Variants in NCKAP5 observed in about 807,000 individuals in gnomAD.
NCKAP5 encodes nck-associated protein 5.
NCKAP5 carries 92 observed loss-of-function variants against 167.0 expected under a neutral mutation model. That is an observed-to-expected ratio of 0.55 (90% CI 0.47 to 0.66). The LOEUF (loss-of-function observed/expected upper bound fraction) is 0.66, where lower values mean the gene tolerates loss of function less well. Ranked by LOEUF, NCKAP5 falls within the 30% of genes least tolerant of loss-of-function variation. The pLI is 0.00. For missense variants in NCKAP5, 2,378 were observed against 2,315.0 expected (o/e 1.03, Z -0.56); for synonymous variants, 891 against 877.4 (o/e 1.02, Z -0.27).
intron 8 of NCKAP5, among the ~76,000 whole-genome samples, chr2:132,920,767 GTATGTATATATATATATATATA>G (rs1179384370): frequency 0.25 from 7,876 of 31,212 alleles, 1,300 homozygotes; most frequent in Admixed American, 0.53. Context: ...GTATATATAT[GTATGTATATATATATATATATA>G]TATATATATA....
chr2:133,000,875 CA>C (rs909280139), intron 6 of NCKAP5, among the ~76,000 whole-genome samples: 1 of 152,078 alleles, frequency 6.6e-6, no homozygotes, highest in African/African-American at 2.4e-5. Context: ...AAGCCACACA[CA>C]AAAGACAAAA....
At chr2:133,391,633 C>T (rs1243192850) in intron 3 of NCKAP5, among the ~76,000 whole-genome samples, 7 of 152,244 alleles carry the variant, frequency 4.6e-5, no homozygotes, top group East Asian at 3.9e-4. Context: ...CCCTCTTCCC[C>T]GCACTCATCC....
intron 6 of NCKAP5, among the ~76,000 whole-genome samples, chr2:133,084,581 A>T (rs548927713): frequency 1.3e-5 from 2 of 152,268 alleles, no homozygotes; most frequent in Non-Finnish European, 2.9e-5. Context: ...CAGGCTCTGA[A>T]TCTCATTCTT....
chr2:133,560,096 G>C (rs1230671513), intron 1 of NCKAP5, among the ~76,000 whole-genome samples: 3 of 152,200 alleles, frequency 2.0e-5, no homozygotes. Context: ...CTTATTGAAA[G>C]TTAGGTATAA....
At chr2:133,465,890 T>C (rs1575003947) in intron 3 of NCKAP5, among the ~76,000 whole-genome samples, 3 of 144,400 alleles carry the variant, frequency 2.1e-5, no homozygotes, top group Admixed American at 6.9e-5. Flanking sequence ...TTTGAGTTCA[T>C]TGTAGATTCT....
At chr2:133,115,223 T>C (rs111774669) in intron 6 of NCKAP5, among the ~76,000 whole-genome samples, 3 of 152,228 alleles carry the variant, frequency 2.0e-5, no homozygotes, top group Non-Finnish European at 4.4e-5. Context: ...TATTGATGTA[T>C]GAATTGAGCT....
At chr2:133,007,058 C>A (rs1429356203) in intron 6 of NCKAP5, among the ~76,000 whole-genome samples, 1 of 152,160 alleles carries the variant, frequency 6.6e-6, no homozygotes, top group Admixed American at 6.6e-5. Flanking sequence ...TCAGCCTCAA[C>A]TCTTGGGGCC....
intron 8 of NCKAP5, among the ~76,000 whole-genome samples, chr2:132,949,897 C>A (rs986286909): frequency 2.0e-5 from 3 of 152,148 alleles, no homozygotes; most frequent in African/African-American, 7.2e-5. Context: ...AGTTCGACAC[C>A]AGCCTGGCTA....
chr2:132,844,497 A>G (rs909959665), intron 11 of NCKAP5, among the ~76,000 whole-genome samples: 2 of 151,924 alleles, frequency 1.3e-5, no homozygotes, highest in East Asian at 1.9e-4. Context: ...TAAATTATTC[A>G]TTGTTTTGCT....
intron 6 of NCKAP5, among the ~76,000 whole-genome samples, chr2:133,002,456 G>T (rs561356955): frequency 1.2e-4 from 19 of 152,202 alleles, no homozygotes; most frequent in Middle Eastern, 3.4e-3. Context: ...TTATTGTACG[G>T]TCCTCACCAA....
At chr2:132,925,072 T>G (rs1036599614) in intron 8 of NCKAP5, among the ~76,000 whole-genome samples, 8 of 152,130 alleles carry the variant, frequency 5.3e-5, no homozygotes, top group Non-Finnish European at 1.2e-4. Context: ...GGCAGTGGTC[T>G]TCAACATTTT....
chr2:133,381,018 G>C (rs1424317694), intron 3 of NCKAP5, among the ~76,000 whole-genome samples: 4 of 152,182 alleles, frequency 2.6e-5, no homozygotes, highest in African/African-American at 9.7e-5. Flanking sequence ...TGTTGGAAAT[G>C]ACATTAGAGC....
At chr2:133,348,131 C>T (rs955324409) in intron 3 of NCKAP5, among the ~76,000 whole-genome samples, 6 of 152,102 alleles carry the variant, frequency 3.9e-5, no homozygotes, top group African/African-American at 1.4e-4. Context: ...CTGCCATTAC[C>T]GCAATATGCT....
chr2:133,074,237 T>C (rs776968874), intron 6 of NCKAP5, among the ~76,000 whole-genome samples: 3 of 151,932 alleles, frequency 2.0e-5, no homozygotes, highest in African/African-American at 2.4e-5. Flanking sequence ...ATGCAGATGT[T>C]AGAGGCATTA....
intron 4 of NCKAP5, among the ~76,000 whole-genome samples, chr2:133,225,066 A>C (rs917722970): frequency 6.6e-6 from 1 of 152,172 alleles, no homozygotes; most frequent in Non-Finnish European, 1.5e-5. Flanking sequence ...TTCTTCTTTA[A>C]ATTTTAAAAT....
intron 8 of NCKAP5, among the ~76,000 whole-genome samples, chr2:132,928,790 G>T (rs1696122511): frequency 6.6e-6 from 1 of 151,998 alleles, no homozygotes; most frequent in Non-Finnish European, 1.5e-5. Context: ...TCAAGTTTGG[G>T]TATGAATTTC....
chr2:133,289,357 C>A (rs1309862157), intron 4 of NCKAP5, among the ~76,000 whole-genome samples: 1 of 151,910 alleles, frequency 6.6e-6, no homozygotes, highest in Non-Finnish European at 1.5e-5. Context: ...GTTACTAATC[C>A]TGTGAAAATT....
chr2:133,299,377 C>T (rs1180850184), intron 4 of NCKAP5, among the ~76,000 whole-genome samples: 12 of 152,082 alleles, frequency 7.9e-5, no homozygotes, highest in Admixed American at 7.9e-4. Context: ...AGCAAGAAAA[C>T]AAGAGAGTTA....
At chr2:133,101,848 C>G (rs1314106647) in intron 6 of NCKAP5, among the ~76,000 whole-genome samples, 9 of 152,112 alleles carry the variant, frequency 5.9e-5, no homozygotes, top group Non-Finnish European at 4.4e-5. Flanking sequence ...AAGAAGTAAA[C>G]ATGTCTGACA....
Sources: allele counts gnomAD v4.1 joint callset (sites outside exome capture counted in the v4.1 genomes callset), GRCh38; gene constraint gnomAD v4.1.1; transcripts MANE v1.5; gene names NCBI Gene and HGNC (gene_info 2026-07-23, HGNC 2026-07-21).